The following CWF19L1 variants were observed in gnomAD, a reference collection of about 807,000 sequenced individuals.
CWF19L1 encodes the protein CWF19 like cell cycle control factor 1.
Under a neutral mutation model 69.7 loss-of-function variants are expected in CWF19L1, and 60 were observed. The ratio of observed to expected loss-of-function variants is 0.86; its 90% CI spans 0.70 to 1.07. The LOEUF (loss-of-function observed/expected upper bound fraction) is 1.07. Among genes scored for constraint, CWF19L1 ranks in the 50% least tolerant of loss-of-function variants. The pLI is 0.00. For missense variants in CWF19L1, 591 were observed against 638.9 expected (o/e 0.92, Z 0.81); for synonymous variants, 209 against 222.2 (o/e 0.94, Z 0.53).
At chr10:100,259,044 T>C (rs1847306756) in intron 4 of CWF19L1, among the ~76,000 whole-genome samples, 1 of 149,776 alleles carries the variant, frequency 6.7e-6, no homozygotes, top group Non-Finnish European at 1.5e-5. Context: ...CTACTAAAAA[T>C]ACAAAAATTA....
intron 8 of CWF19L1, 107 bp downstream of exon 8, chr10:100,246,688 A>T: frequency 8.8e-7 from 1 of 1,141,274 alleles, no homozygotes; most frequent in East Asian, 2.6e-5. Context: ...TGATTTCCCA[A>T]GGGGAAAAAA....
intron 3 of CWF19L1, among the ~76,000 whole-genome samples, chr10:100,260,609 G>C (rs1037904785): frequency 6.6e-6 from 1 of 151,352 alleles, no homozygotes; most frequent in South Asian, 2.1e-4. Context: ...TGCAATCTCC[G>C]CCTCCCAGGT....
chr10:100,261,005 C>T lies in CWF19L1; in HGVS notation c.148G>A (p.Asp50Asn). 1 of 1,612,848 alleles carries T rather than the reference C, an allele frequency of 6.2e-7. No individual in the cohort carries two copies. The highest frequency in any genetic ancestry group is 8.5e-7 in the Non-Finnish European group (1 of 1,179,172). Reference protein sequence around the residue: ...CVGNFFGSTQDAEWEEYKTGI... With the variant: ...CVGNFFGSTQNAEWEEYKTGI... ...GTCTTATACTCCTCCCATTCAGCATCTTGGGTGGAGCCAAAGAAATTTCCT... is the reference window on the plus strand; with the variant it reads ...GTCTTATACTCCTCCCATTCAGCATTTTGGGTGGAGCCAAAGAAATTTCCT... Residue 50 changes from aspartate (D) to asparagine (N), a missense_variant, in exon 3 of 14, where the codon GAT becomes AAT. Asp to Asn is a conservative substitution (Grantham distance 23). Transcript: ENST00000354105.
intron 6 of CWF19L1, among the ~76,000 whole-genome samples, chr10:100,252,231 C>T (rs562209214): frequency 3.3e-5 from 5 of 152,160 alleles, no homozygotes; most frequent in South Asian, 2.1e-4. Flanking sequence ...ATCAGGAGAT[C>T]GAGACCATCC....
At chr10:100,245,228 G>A (rs1247617350) in intron 9 of CWF19L1, among the ~76,000 whole-genome samples, 1 of 151,842 alleles carries the variant, frequency 6.6e-6, no homozygotes, top group Admixed American at 6.6e-5. Flanking sequence ...TCACTATGTT[G>A]GCCAGACTGG....
At chr10:100,262,447 A>T in intron 1 of CWF19L1, 1 of 985,250 alleles carries the variant, frequency 1.0e-6, no homozygotes, top group Non-Finnish European at 1.2e-6. Flanking sequence ...GACTCCTCCT[A>T]TCTTAGTACG....
Position 100,248,248 on chromosome 10 carries a change from A to C in CWF19L1, c.709-1313T>G, listed in dbSNP as rs559394876. 4.8e-6 allele frequency: 5 copies of C among 1,050,198 alleles called. No individual in the cohort carries two copies. In the African/African-American group the frequency reaches 7.8e-5, roughly 16 times the overall value. The allele number at this position is 1,050,198 out of a possible 1,614,324, so 65.1% of individuals were successfully genotyped here. Reference sequence around the variant, plus strand: ...AGTGGAAGCAGGTATGAAAGGGTCCAGCAGAAGAAAACATGGCTGCCAAAG... The same window carrying C: ...AGTGGAAGCAGGTATGAAAGGGTCCCGCAGAAGAAAACATGGCTGCCAAAG... On this transcript the variant is annotated intron_variant, in intron 7 of 13. Coordinates refer to ENST00000354105, the MANE Select transcript of CWF19L1 (RefSeq NM_018294.6).
At chr10:100,257,287 CTTTTTTTTT>C (rs55939570) in intron 4 of CWF19L1, among the ~76,000 whole-genome samples, 5 of 105,824 alleles carry the variant, frequency 4.7e-5, no homozygotes, top group Admixed American at 1.2e-4. Context: ...AGTGCTTTAC[CTTTTTTTTT>C]TTTTTTTTTT....
intron 1 of CWF19L1, among the ~76,000 whole-genome samples, chr10:100,265,525 CTTTT>C (rs35773155): frequency 1.7e-5 from 2 of 121,010 alleles, no homozygotes. Flanking sequence ...TTTTCTTTTT[CTTTT>C]TTTTTTTTTT....
At position 100,241,000 on chromosome 10, in the gene CWF19L1, C is replaced by CTTTTTTT. The variant is rs56262807; in HGVS notation, c.1044+2691_1044+2697dup. Reference sequence around the variant, plus strand: ...GACAGGAGTGTGCCACTAATTAAGCCTTTTTTTTTTTTTTTTTTTTTTTTT... The same window carrying CTTTTTTT: ...GACAGGAGTGTGCCACTAATTAAGCCTTTTTTTTTTTTTTTTTTTTTTTTTTTTTTTT... On this transcript the variant is annotated intron_variant, in intron 10 of 13. Coordinates refer to ENST00000354105, the MANE Select transcript of CWF19L1 (RefSeq NM_018294.6). 1.4e-3 allele frequency among the ~76,000 whole-genome samples: 99 copies of CTTTTTTT among 70,630 alleles called. 18 individuals carry two copies. Among genetic ancestry groups the CTTTTTTT allele is most frequent in the African/African-American group, 6.0e-3 (93 of 15,576 alleles). 46.3% of individuals were successfully genotyped at this position (70,630 alleles called of 152,430 possible). A position where few individuals can be genotyped will look rare whatever the true frequency, so the allele number is the denominator to read the frequency against.
intron 5 of CWF19L1, among the ~76,000 whole-genome samples, 198 bp downstream of exon 5, chr10:100,256,064 G>C (rs1339353477): frequency 6.6e-6 from 1 of 152,174 alleles, no homozygotes; most frequent in African/African-American, 2.4e-5. Flanking sequence ...TCTCATCTAT[G>C]AATCACACTT....
At chr10:100,253,140 C>A (rs1472623920) in intron 6 of CWF19L1, among the ~76,000 whole-genome samples, 1 of 152,196 alleles carries the variant, frequency 6.6e-6, no homozygotes, top group Admixed American at 6.5e-5. Flanking sequence ...CTGCCTCAGC[C>A]TTCCAAGTAG....
At chr10:100,260,173 C>CA (rs1395899481) in intron 4 of CWF19L1, 45 bp downstream of exon 4, 1 of 1,356,804 alleles carries the variant, frequency 7.4e-7, no homozygotes, top group Non-Finnish European at 1.0e-6. Context: ...GTCTCAAAAA[C>CA]AAAAAACAAA....
chr10:100,243,514 C>T (rs932080577), intron 10 of CWF19L1, among the ~76,000 whole-genome samples, 184 bp downstream of exon 10: 18 of 152,282 alleles, frequency 1.2e-4, no homozygotes, highest in African/African-American at 4.1e-4. Context: ...AGAGATCTTA[C>T]TGCAATGATA....
At position 100,250,242 on chromosome 10, in the gene CWF19L1, CTTTACCT is replaced by C; in HGVS notation, c.707_708+5del. 1 of 1,577,114 alleles carries C rather than the reference CTTTACCT, an allele frequency of 6.3e-7. No homozygotes were observed. The highest frequency in any genetic ancestry group is 8.7e-7 in the Non-Finnish European group (1 of 1,146,916). On this transcript the variant is annotated splice_donor_variant and splice_donor_5th_base_variant and coding_sequence_variant and intron_variant, in exon 7 of 14. Transcript: ENST00000354105. LOFTEE classifies it high-confidence loss of function. ...TCAACCTTCCACCAAATAGGTAAAT[CTTTACCT>C]TTTTCTTTTCTGGATTTCCAACATT...
intron 1 of CWF19L1, among the ~76,000 whole-genome samples, chr10:100,263,111 A>C (rs190062349): frequency 2.0e-5 from 3 of 152,260 alleles, no homozygotes; most frequent in Non-Finnish European, 4.4e-5. Context: ...TAGAGAATAC[A>C]TTTATGTTTC....
At position 100,233,412 on chromosome 10, in the gene CWF19L1, G is replaced by C. The variant is rs375796467; in HGVS notation, c.1473-41C>G. 2.2e-5 allele frequency: 35 copies of C among 1,594,410 alleles called. No homozygotes were observed. The East Asian group carries it at 2.3e-4, about 10-fold the overall frequency. ...AAAGAAGTCAAAATGGAAACTATCA[G>C]CCTGAGCTCTCCTCAACATCACCCA... On this transcript the variant is annotated intron_variant, in intron 13 of 13. Transcript: ENST00000354105.
intron 1 of CWF19L1, among the ~76,000 whole-genome samples, chr10:100,262,904 G>A (rs2134325269): frequency 6.6e-6 from 1 of 150,812 alleles, no homozygotes. Context: ...TTTCTGGCGT[G>A]CTTTTATTGT....
chr10:100,251,502 G>A (rs1230959077), intron 6 of CWF19L1, among the ~76,000 whole-genome samples: 3 of 144,006 alleles, frequency 2.1e-5, no homozygotes, highest in Admixed American at 2.1e-4. Flanking sequence ...TATGTCTATT[G>A]GCCTTTTTTT....
Sources: gnomAD v4.1 joint callset for allele counts (sites outside exome capture counted in the v4.1 genomes callset) on GRCh38, gnomAD v4.1.1 for gene constraint, MANE v1.5 for transcripts, NCBI Gene and HGNC (gene_info 2026-07-23, HGNC 2026-07-21) for gene names.